Variants in DNAJC5B observed in about 807,000 individuals in gnomAD.
The protein encoded by DNAJC5B is dnaJ homolog subfamily C member 5B.
A neutral mutation model predicts 24.7 loss-of-function variants in DNAJC5B; 23 were observed. The observed-to-expected ratio is 0.93, with a 90% confidence interval of 0.67 to 1.32. The LOEUF (loss-of-function observed/expected upper bound fraction) is 1.32, where lower values mean the gene tolerates loss of function less well. DNAJC5B is among the 40% of genes most tolerant of loss of function. The pLI is 0.00. For synonymous variants in DNAJC5B, 101 were observed against 90.1 expected, an observed-to-expected ratio of 1.12 and a Z score of -0.68; for missense variants, 238 against 240.8, an observed-to-expected ratio of 0.99 and a Z score of 0.08.
chr8:66,051,604 T>G lies in DNAJC5B; in HGVS notation c.57T>G (p.Ala19=). 1 of 1,614,062 alleles carries G rather than the reference T, an allele frequency of 6.2e-7. No homozygotes were observed. The highest frequency in any genetic ancestry group is 8.5e-7 in the Non-Finnish European group (1 of 1,180,006). Residue 19 remains alanine, a synonymous_variant, in exon 3 of 6, where the codon GCT becomes GCG. Transcript: ENST00000276570. ...RQRTLSTTGE[A]LYEILGLHKG... Reference sequence around the variant, plus strand: ...GGACTCTGTCAACAACAGGAGAAGCTCTATACGAAATTCTTGGTCTGCATA... The same window carrying G: ...GGACTCTGTCAACAACAGGAGAAGCGCTATACGAAATTCTTGGTCTGCATA...
At chr8:66,067,383 A>C (rs903912510) in intron 3 of DNAJC5B, among the ~76,000 whole-genome samples, 4 of 152,086 alleles carry the variant, frequency 2.6e-5, no homozygotes, top group African/African-American at 4.8e-5. Flanking sequence ...AATTTTATTG[A>C]GATTCTGAAG....
At chr8:66,037,237 G>C (rs551310598) in intron 1 of DNAJC5B, among the ~76,000 whole-genome samples, 4 of 152,284 alleles carry the variant, frequency 2.6e-5, no homozygotes, top group Admixed American at 2.6e-4. Flanking sequence ...TCCCACTGAT[G>C]CCCTCTGGTA....
At chr8:66,020,546 T>A (rs1449479948), upstream of DNAJC5B, among the ~76,000 whole-genome samples, 1 of 151,226 alleles carries the variant, frequency 6.6e-6, no homozygotes, top group Non-Finnish European at 1.5e-5. Context: ...TGCTCCTCCC[T>A]GTCCCTTACT....
chr8:66,018,018 T>C (rs1315419839), upstream of DNAJC5B, among the ~76,000 whole-genome samples: 1 of 152,250 alleles, frequency 6.6e-6, no homozygotes, highest in East Asian at 1.9e-4. Context: ...GAAATGCTTT[T>C]AGAGCGTACT....
At chr8:66,019,418 G>GT (rs1806049089), upstream of DNAJC5B, among the ~76,000 whole-genome samples, 1 of 152,166 alleles carries the variant, frequency 6.6e-6, no homozygotes, top group Non-Finnish European at 1.5e-5. Context: ...GAAAGGTGAA[G>GT]TTTGTGATGG....
At chr8:66,048,733 A>T (rs964599828) in intron 2 of DNAJC5B, among the ~76,000 whole-genome samples, 6 of 152,188 alleles carry the variant, frequency 3.9e-5, no homozygotes, top group African/African-American at 1.4e-4. Context: ...TTAGACTTAG[A>T]TAGAAGGGCA....
At chr8:66,080,074 G>A (rs985557641) in intron 4 of DNAJC5B, among the ~76,000 whole-genome samples, 15 of 152,236 alleles carry the variant, frequency 9.9e-5, no homozygotes, top group African/African-American at 2.9e-4. Context: ...GCTTTGCTCT[G>A]CTCTTAGTAA....
intron 5 of DNAJC5B, among the ~76,000 whole-genome samples, chr8:66,097,564 A>G (rs1251803068): frequency 6.7e-6 from 1 of 149,780 alleles, no homozygotes; most frequent in Non-Finnish European, 1.5e-5. Context: ...TTTTCTTTTT[A>G]CAGCTCAATT....
intron 3 of DNAJC5B, among the ~76,000 whole-genome samples, chr8:66,072,817 C>T (rs1028357449): frequency 6.6e-6 from 1 of 152,080 alleles, no homozygotes; most frequent in South Asian, 2.1e-4. Flanking sequence ...ACATAATGAC[C>T]AAACTGAGTT....
chr8:66,095,199 A>G (rs1291460779), intron 5 of DNAJC5B, among the ~76,000 whole-genome samples: 1 of 152,068 alleles, frequency 6.6e-6, no homozygotes, highest in African/African-American at 2.4e-5. Flanking sequence ...ATTCTGAAGA[A>G]CTTTCTGGGC....
At chr8:66,020,511 A>C (rs867965608), upstream of DNAJC5B, among the ~76,000 whole-genome samples, 2 of 152,240 alleles carry the variant, frequency 1.3e-5, no homozygotes, top group Non-Finnish European at 2.9e-5. Flanking sequence ...ATGAAATTCC[A>C]GTGAGACTCT....
chr8:66,064,751 G>A (rs10095531), intron 3 of DNAJC5B, among the ~76,000 whole-genome samples: 6 of 152,132 alleles, frequency 3.9e-5, no homozygotes, highest in South Asian at 2.1e-4. Context: ...TCTTAGTGGC[G>A]TGCTAAAAGC....
intron 3 of DNAJC5B, among the ~76,000 whole-genome samples, chr8:66,068,570 A>G (rs1807274371): frequency 6.6e-6 from 1 of 151,504 alleles, no homozygotes; most frequent in Non-Finnish European, 1.5e-5. Flanking sequence ...AAAGAATTAC[A>G]AAAGGATGAA....
At chr8:66,017,201 T>C (rs2128953555), upstream of DNAJC5B, among the ~76,000 whole-genome samples, 1 of 152,326 alleles carries the variant, frequency 6.6e-6, no homozygotes, top group East Asian at 1.9e-4. Flanking sequence ...CTTGGATCTG[T>C]GATCACTTAT....
At chr8:66,033,687 C>G (rs1806409816) in intron 1 of DNAJC5B, among the ~76,000 whole-genome samples, 1 of 151,508 alleles carries the variant, frequency 6.6e-6, no homozygotes, top group African/African-American at 2.4e-5. Context: ...CAGCCGAACA[C>G]TTCCACAAGG....
intron 5 of DNAJC5B, among the ~76,000 whole-genome samples, chr8:66,091,549 A>G (rs1807847338): frequency 2.6e-5 from 4 of 152,160 alleles, no homozygotes; most frequent in Non-Finnish European, 5.9e-5. Flanking sequence ...GTAGAGTCAT[A>G]TTGGGCTGTT....
rs1808043343 is a variant in DNAJC5B at position 66,100,097 on chromosome 8, G to A, written c.*66G>A. On this transcript the variant is annotated 3_prime_UTR_variant, in exon 6 of 6. Transcript: ENST00000276570. The stretch of plus-strand genomic sequence containing the variant: ...CAGTCTTGTCTCCAGATGGTCGTAG[G>A]GGAGCGTGTGGGGCATAAAGTGCTG... 1.5e-6 allele frequency: 2 copies of A among 1,377,328 alleles called. No homozygotes were observed. The highest frequency in any genetic ancestry group is 1.3e-5 in the South Asian group (1 of 78,148). The allele number at this position is 1,377,328 out of a possible 1,614,324, so 85.3% of individuals were successfully genotyped here. A position where few individuals can be genotyped will look rare whatever the true frequency, so the allele number is the denominator to read the frequency against.
chr8:66,097,859 T>A (rs1807987406), intron 5 of DNAJC5B, among the ~76,000 whole-genome samples: 1 of 151,990 alleles, frequency 6.6e-6, no homozygotes, highest in Non-Finnish European at 1.5e-5. Flanking sequence ...TGTCTTTTCT[T>A]TTTTTTTGAG....
intron 4 of DNAJC5B, among the ~76,000 whole-genome samples, chr8:66,077,210 C>T (rs1807486634): frequency 1.3e-5 from 2 of 152,084 alleles, no homozygotes; most frequent in East Asian, 1.9e-4. Context: ...TAAATTATTA[C>T]GGGGCAAATT....
Sources: allele counts gnomAD v4.1 joint callset (sites outside exome capture counted in the v4.1 genomes callset), GRCh38; gene constraint gnomAD v4.1.1; transcripts MANE v1.5; gene names NCBI Gene and HGNC (gene_info 2026-07-23, HGNC 2026-07-21).